The following FANCI variants were observed in gnomAD, a reference collection of about 807,000 sequenced individuals.
The protein encoded by FANCI is Fanconi anemia group I protein.
FANCI carries 156 observed loss-of-function variants against 176.1 expected under a neutral mutation model. The observed-to-expected ratio is 0.89, with a 90% CI of 0.78 to 1.01. The LOEUF (loss-of-function observed/expected upper bound fraction) is 1.01, where lower values mean the gene tolerates loss of function less well. Ranked by LOEUF, FANCI falls within the 50% of genes least tolerant of loss-of-function variation. FANCI has a pLI of 0.00. For missense variants in FANCI, 1,678 were observed against 1,534.1 expected, an observed-to-expected ratio of 1.09 and a Z score of -1.57; for synonymous variants, 613 against 541.7, an observed-to-expected ratio of 1.13 and a Z score of -1.83.
chr15:89,254,148 G>A (rs1173542235), intron 2 of FANCI, among the ~76,000 whole-genome samples: 3 of 151,956 alleles, frequency 2.0e-5, no homozygotes, highest in East Asian at 1.9e-4. Flanking sequence ...ACTTGAGTCC[G>A]GGAGTTCAAG....
chr15:89,293,687 G>C, intron 22 of FANCI, 146 bp from the exon 23 acceptor site: 1 of 876,454 alleles, frequency 1.1e-6, no homozygotes, highest in South Asian at 1.6e-5. Context: ...TGACCTGGGA[G>C]TATTATATTA....
chr15:89,284,931 G>A (rs796788197), intron 17 of FANCI, among the ~76,000 whole-genome samples, 165 bp from the exon 18 acceptor site: 7 of 152,310 alleles, frequency 4.6e-5, no homozygotes, highest in African/African-American at 1.4e-4. Context: ...CAGAATAAGA[G>A]TGACACTTAC....
At chr15:89,265,400 G>A (rs2052898564) in intron 9 of FANCI, among the ~76,000 whole-genome samples, 1 of 152,040 alleles carries the variant, frequency 6.6e-6, no homozygotes, top group African/African-American at 2.4e-5. Context: ...CAGAGACAGG[G>A]TTTGCCATGT....
chr15:89,273,583 C>T, intron 11 of FANCI, 114 bp downstream of exon 11: 2 of 700,444 alleles, frequency 2.9e-6, no homozygotes, highest in Non-Finnish European at 5.1e-6. Context: ...AATTTTATCC[C>T]CTTCCTGCCA....
intron 7 of FANCI, 110 bp downstream of exon 7, chr15:89,263,570 T>G: frequency 1.0e-6 from 1 of 990,150 alleles, no homozygotes; most frequent in Non-Finnish European, 1.6e-6. Flanking sequence ...TGTAAGAATA[T>G]TAGTAGTTAT....
At chr15:89,251,721 T>A (rs532279001) in intron 2 of FANCI, among the ~76,000 whole-genome samples, 2 of 152,326 alleles carry the variant, frequency 1.3e-5, no homozygotes, top group East Asian at 3.9e-4. Context: ...TATATTACTA[T>A]AAAGATTATA....
rs750988926 is a variant in FANCI at position 89,261,772 on chromosome 15, C to G, written c.445+31C>G. On this transcript the variant is annotated intron_variant, in intron 5 of 37. Coordinates refer to ENST00000310775, the MANE Select transcript of FANCI (RefSeq NM_001113378.2). ...TTTCTTCCGACTTTAGTGGCTTTTTCTCTATGCACATAATCAAATTCATTG... is the reference window on the plus strand; with the variant it reads ...TTTCTTCCGACTTTAGTGGCTTTTTGTCTATGCACATAATCAAATTCATTG... 2.7e-5 allele frequency: 44 copies of G among 1,614,102 alleles called. 1 individual carries two copies. In the South Asian group the frequency reaches 4.7e-4, roughly 17 times the overall value.
intron 32 of FANCI, among the ~76,000 whole-genome samples, chr15:89,306,819 A>G (rs1339000991): frequency 1.3e-5 from 2 of 152,134 alleles, no homozygotes; most frequent in African/African-American, 4.8e-5. Flanking sequence ...AACTATAACT[A>G]TCCTAGAATT....
intron 37 of FANCI, 148 bp from the exon 38 acceptor site, chr15:89,316,249 A>G (rs754106322): frequency 4.6e-5 from 37 of 804,448 alleles, no homozygotes; most frequent in Admixed American, 1.4e-4. Context: ...CTTCAACAAC[A>G]TAATTACCTC....
chr15:89,244,567 A>T (rs1222616616), intron 1 of FANCI, among the ~76,000 whole-genome samples: 2 of 152,178 alleles, frequency 1.3e-5, no homozygotes, highest in East Asian at 3.9e-4. Flanking sequence ...CTCTGGTTTT[A>T]GGATGATTTT....
intron 12 of FANCI, among the ~76,000 whole-genome samples, chr15:89,274,745 C>A (rs950847564): frequency 4.0e-5 from 6 of 151,474 alleles, no homozygotes; most frequent in Admixed American, 3.3e-4. Flanking sequence ...CCTGGTATTA[C>A]AGGCATGCTC....
chr15:89,313,948 T>A lies in FANCI; in HGVS notation c.3721-664T>A, dbSNP rs1332494828. On this transcript the variant is annotated intron_variant, in intron 35 of 37. Transcript: ENST00000310775. The stretch of plus-strand genomic sequence containing the variant: ...ACACGTAGGACCTACAAATTACAAT[T>A]CACGTTAGGGGGAAAGATATATAAT... Among the ~76,000 whole-genome samples the A allele has an allele frequency of 3.2e-4, 42 of 129,398 alleles. 2 individuals are homozygous for A. Among genetic ancestry groups the A allele is most frequent in the African/African-American group, 1.2e-3 (40 of 33,832 alleles). The allele number at this position is 129,398 out of a possible 152,430, so 84.9% of individuals were successfully genotyped here.
At chr15:89,259,184 G>A (rs1430211812) in intron 3 of FANCI, 2 of 185,682 alleles carry the variant, frequency 1.1e-5, no homozygotes, top group East Asian at 2.6e-4. Flanking sequence ...CATGCCCGCT[G>A]AGACGTATTT....
chr15:89,317,182 T>G, downstream of FANCI: 1 of 628,134 alleles, frequency 1.6e-6, no homozygotes, highest in Non-Finnish European at 2.8e-6. Flanking sequence ...TTTGAAGCTC[T>G]GCTGCCTTCA....
At chr15:89,311,867 C>G (rs2054977563) in intron 34 of FANCI, among the ~76,000 whole-genome samples, 1 of 152,186 alleles carries the variant, frequency 6.6e-6, no homozygotes, top group Non-Finnish European at 1.5e-5. Flanking sequence ...AAAAAGCTGC[C>G]TACATTTCTG....
In FANCI at chr15:89,263,784, A is replaced by G. The variant is rs2052820433; in HGVS notation, c.546-119A>G. On this transcript the variant is annotated intron_variant, in intron 7 of 37. Coordinates refer to ENST00000310775, the MANE Select transcript of FANCI (RefSeq NM_001113378.2). Reference sequence around the variant, plus strand: ...ATTATCTCTTTAATTCTCTGCTCCCAAGTTTCATTTCTTAAAATATGTTTA... The same window carrying G: ...ATTATCTCTTTAATTCTCTGCTCCCGAGTTTCATTTCTTAAAATATGTTTA... 23 of 1,217,838 alleles carry G rather than the reference A, an allele frequency of 1.9e-5. No homozygotes were observed. The East Asian group carries it at 5.7e-4, about 30-fold the overall frequency. The allele number at this position is 1,217,838 out of a possible 1,614,324, so 75.4% of individuals were successfully genotyped here.
At chr15:89,258,440 T>C (rs555864763) in intron 2 of FANCI, among the ~76,000 whole-genome samples, 1 of 152,326 alleles carries the variant, frequency 6.6e-6, no homozygotes, top group African/African-American at 2.4e-5. Context: ...TCAAAAAGTA[T>C]TTGTTGGATG....
chr15:89,249,170 C>T (rs1390476894), intron 2 of FANCI, among the ~76,000 whole-genome samples: 1 of 152,080 alleles, frequency 6.6e-6, no homozygotes, highest in Non-Finnish European at 1.5e-5. Flanking sequence ...GTAATATATG[C>T]AGGCAGTTCA....
chr15:89,251,121 A>G (rs1290179101), intron 2 of FANCI, among the ~76,000 whole-genome samples: 1 of 152,192 alleles, frequency 6.6e-6, no homozygotes, highest in African/African-American at 2.4e-5. Flanking sequence ...AGAAATGACA[A>G]GGGAGAAATA....
Sources: gnomAD v4.1 joint callset for allele counts (sites outside exome capture counted in the v4.1 genomes callset) on GRCh38, gnomAD v4.1.1 for gene constraint, MANE v1.5 for transcripts, NCBI Gene and HGNC (gene_info 2026-07-23, HGNC 2026-07-21) for gene names.